The following HDLBP variants were observed in gnomAD, a reference collection of about 807,000 sequenced individuals.
HDLBP encodes high density lipoprotein binding protein.
Under a neutral mutation model 137.3 loss-of-function variants are expected in HDLBP, and 30 were observed. That is an observed-to-expected ratio of 0.22 (90% CI 0.16 to 0.30). The LOEUF (loss-of-function observed/expected upper bound fraction) is 0.30, where lower values mean the gene tolerates loss of function less well. HDLBP is among the 10% of genes least tolerant of loss of function. The probability of loss-of-function intolerance (pLI) is 1.00; values close to 1 mark genes in which losing one functional copy is unlikely to be tolerated. For synonymous variants in HDLBP, 606 were observed against 596.0 expected, an observed-to-expected ratio of 1.02 and a Z score of -0.24; for missense variants, 1,119 against 1,667.3, an observed-to-expected ratio of 0.67 and a Z score of 5.73.
rs1035453888 is a variant in HDLBP, at chr2:241,249,128, C to T, written c.1512+713G>A. ...CCACAAGCAGTGGGAGGCTGCATCA[C>T]GCCCTGGAATGCAGCTCAGGGCTAT... is the stretch of plus-strand genomic sequence containing the variant. On this transcript the variant is annotated intron_variant, in intron 12 of 27. Transcript: ENST00000310931. Among the ~76,000 whole-genome samples, 22 of 152,078 alleles carry T rather than the reference C, an allele frequency of 1.4e-4. No individual in the cohort carries two copies. The East Asian group carries it at 1.7e-3, about 12-fold the overall frequency.
At chr2:241,293,189 A>C (rs1417243418) in intron 1 of HDLBP, among the ~76,000 whole-genome samples, 1 of 152,214 alleles carries the variant, frequency 6.6e-6, no homozygotes, top group Non-Finnish European at 1.5e-5. Flanking sequence ...GAAGGAACAA[A>C]AAGAATTGAT....
In HDLBP at chr2:241,229,562, G is replaced by A. The variant is rs1321434441; in HGVS notation, c.*39C>T. 3 of 1,483,854 alleles carry A rather than the reference G, an allele frequency of 2.0e-6. No homozygotes were observed. The highest frequency in any genetic ancestry group is 2.3e-5 in the East Asian group (1 of 44,178). The allele number at this position is 1,483,854 out of a possible 1,614,324, so 91.9% of individuals were successfully genotyped here. ...GACAAACCATTGTGTGGTTGGGTTTGGGTCAGCAGGCTGGAGAGGGTTCTG... is the reference window on the plus strand; with the variant it reads ...GACAAACCATTGTGTGGTTGGGTTTAGGTCAGCAGGCTGGAGAGGGTTCTG... On this transcript the variant is annotated 3_prime_UTR_variant, in exon 28 of 28. Transcript: ENST00000310931.
In HDLBP at chr2:241,266,888, A is replaced by G. The variant is rs780534118; in HGVS notation, c.-19T>C. ...AACTCATGGTTGATCTCACACCTAC[A>G]CACAATCCGGGAAAACCACTAAAGC... On this transcript the variant is annotated 5_prime_UTR_variant, in exon 3 of 28. Coordinates refer to ENST00000310931, the MANE Select transcript of HDLBP (RefSeq NM_005336.6). 6 of 1,613,746 alleles carry G rather than the reference A, an allele frequency of 3.7e-6. No homozygotes were observed. Among genetic ancestry groups the G allele is most frequent in the Non-Finnish European group, 4.2e-6 (5 of 1,179,566 alleles).
At position 241,277,961 on chromosome 2, in the gene HDLBP, C is replaced by CA. The variant is rs888451938; in HGVS notation, c.-102-9421dup. Among the ~76,000 whole-genome samples the CA allele has an allele frequency of 5.9e-5, 9 of 151,338 alleles. No individual in the cohort carries two copies. In the South Asian group the frequency reaches 6.3e-4, roughly 11 times the overall value. The stretch of plus-strand genomic sequence containing the variant: ...GGGAAACAAAAGTGAAACTCCATCT[C>CA]AAAAAAAACCAAAAAACAACAACAA... On this transcript the variant is annotated intron_variant, in intron 1 of 27. Coordinates refer to ENST00000310931, the MANE Select transcript of HDLBP (RefSeq NM_005336.6).
intron 1 of HDLBP, among the ~76,000 whole-genome samples, chr2:241,307,995 T>A (rs527930253): frequency 6.6e-6 from 1 of 152,284 alleles, no homozygotes; most frequent in South Asian, 2.1e-4. Flanking sequence ...AGGCAATGCA[T>A]TGATAGATAT....
chr2:241,301,455 G>C (rs182046097), intron 1 of HDLBP, among the ~76,000 whole-genome samples: 34 of 152,244 alleles, frequency 2.2e-4, no homozygotes, highest in African/African-American at 7.9e-4. Flanking sequence ...TGAAAATTAA[G>C]AGTAATATAC....
intron 20 of HDLBP, 75 bp from the exon 21 acceptor site, chr2:241,236,844 C>T: frequency 1.3e-6 from 2 of 1,490,234 alleles, no homozygotes; most frequent in African/African-American, 1.4e-5. Flanking sequence ...ATGCATATGT[C>T]TGTGAGGCAC....
intron 1 of HDLBP, among the ~76,000 whole-genome samples, chr2:241,283,102 T>A (rs970229030): frequency 1.3e-5 from 2 of 152,194 alleles, no homozygotes; most frequent in South Asian, 4.1e-4. Context: ...CGAAACAGCC[T>A]TATCGCTGAT....
chr2:241,252,459 G>A (rs554587330), intron 11 of HDLBP, among the ~76,000 whole-genome samples: 4 of 152,308 alleles, frequency 2.6e-5, no homozygotes, highest in South Asian at 2.1e-4. Context: ...CTGAGATCAC[G>A]CCACTGCACT....
Position 241,253,028 on chromosome 2 carries a change from C to T in HDLBP, c.1301G>A (p.Arg434Gln), listed in dbSNP as rs778201425. Residue 434 changes from arginine (R) to glutamine (Q), a missense_variant, in exon 11 of 28, where the codon CGG becomes CAG. By Grantham distance (43) the Arg-to-Gln change is conservative. Transcript: ENST00000310931. The part of the protein sequence containing the change: ...IEGMVKDLIN[R>Q]MDYVEINIDH... ...GATGTTGATCTCCACATAGTCCATCCGGTTAATCTGCAGGAGGAGCACAGA... is the reference window on the plus strand; with the variant it reads ...GATGTTGATCTCCACATAGTCCATCTGGTTAATCTGCAGGAGGAGCACAGA... The T allele has an allele frequency of 1.9e-6, 3 of 1,604,196 alleles. No homozygotes were observed. Among genetic ancestry groups the T allele is most frequent in the East Asian group, 2.2e-5 (1 of 44,544 alleles).
In HDLBP at chr2:241,238,220, T is replaced by C. The variant is rs2070792276; in HGVS notation, c.2749+429A>G. The C allele has an allele frequency of 6.5e-6, 1 of 153,870 alleles. No individual in the cohort carries two copies. Among genetic ancestry groups the C allele is most frequent in the South Asian group, 2.1e-4 (1 of 4,844 alleles). 9.5% of individuals were successfully genotyped at this position (153,870 alleles called of 1,614,324 possible). A position where few individuals can be genotyped will look rare whatever the true frequency, so the allele number is the denominator to read the frequency against. On this transcript the variant is annotated intron_variant, in intron 20 of 27. Coordinates refer to ENST00000310931, the MANE Select transcript of HDLBP (RefSeq NM_005336.6). This position sits in a 1 kb window ranked among gnomAD's most constrained non-coding sequence, Gnocchi z 4.9. ...ATGCTCTCCTAGAACTGCCGGCCAC[T>C]TGGATGGTGCCCTCTGGCCAGCCAG...
intron 2 of HDLBP, chr2:241,267,641 A>C (rs1165022045): frequency 6.5e-7 from 1 of 1,535,738 alleles, no homozygotes; most frequent in Non-Finnish European, 8.7e-7. Context: ...TCTCTCTGCA[A>C]GGTGCATCCA....
intron 2 of HDLBP, 101 bp from the exon 3 acceptor site, chr2:241,267,007 C>A: frequency 2.4e-6 from 2 of 827,738 alleles, no homozygotes; most frequent in Non-Finnish European, 4.1e-6. Flanking sequence ...CTCTTTTTTA[C>A]CAGCAAACTA....
At chr2:241,308,085 T>A (rs2075637799) in intron 1 of HDLBP, among the ~76,000 whole-genome samples, 2 of 152,240 alleles carry the variant, frequency 1.3e-5, no homozygotes, top group African/African-American at 4.8e-5. Context: ...ACCTGTCCTC[T>A]TCTCCTTTGA....
At position 241,255,445 on chromosome 2, in the gene HDLBP, T is replaced by A; in HGVS notation, c.1009A>T (p.Ile337Phe). The A allele has an allele frequency of 6.2e-7, 1 of 1,614,074 alleles. No individual in the cohort carries two copies. Among genetic ancestry groups the A allele is most frequent in the Non-Finnish European group, 8.5e-7 (1 of 1,179,882 alleles). The part of the protein sequence containing the change: ...VSVEIPPSDS[I>F]SETVILRGEP... ...CCTCGAAGTATTACAGTCTCAGAGA[T>A]GCTGTCTGAGGGTGGGATCTCAACG... Residue 337 changes from isoleucine (I) to phenylalanine (F), a missense_variant, in exon 8 of 28, where the codon ATC becomes TTC. This residue lies in a region of HDLBP where 425 missense variants were observed against 693.9 expected (regional missense o/e 0.61). Transcript: ENST00000310931.
At chr2:241,296,862 CA>C (rs1307482277) in intron 1 of HDLBP, among the ~76,000 whole-genome samples, 1 of 152,208 alleles carries the variant, frequency 6.6e-6, no homozygotes, top group African/African-American at 2.4e-5. Flanking sequence ...GAAGTGCCTG[CA>C]AAAGAATACA....
At chr2:241,289,217 A>C (rs1451554478) in intron 1 of HDLBP, among the ~76,000 whole-genome samples, 1 of 152,200 alleles carries the variant, frequency 6.6e-6, no homozygotes. Context: ...GTGGCACTCC[A>C]ATGTGCGATC....
rs1268583082 is a variant in HDLBP, at chr2:241,238,591, C to A, written c.2749+58G>T. The A allele has an allele frequency of 3.7e-6, 5 of 1,350,070 alleles. No individual in the cohort carries two copies. Among genetic ancestry groups the A allele is most frequent in the Non-Finnish European group, 5.0e-6 (5 of 1,007,118 alleles). 83.6% of individuals were successfully genotyped at this position (1,350,070 alleles called of 1,614,324 possible). ...CTCACCAGTATGTGCGACAGCCCCG[C>A]CTCTCACATGGGAGGCGCCACTATT... On this transcript the variant is annotated intron_variant, in intron 20 of 27. Coordinates refer to ENST00000310931, the MANE Select transcript of HDLBP (RefSeq NM_005336.6). This position sits in a 1 kb window ranked among gnomAD's most constrained non-coding sequence, Gnocchi z 4.9.
At position 241,230,234 on chromosome 2, in the gene HDLBP, G is replaced by C. The variant is rs1343850448; in HGVS notation, c.3510C>G (p.Asp1170Glu). Residue 1170 changes from aspartate (D) to glutamate (E), a missense_variant, in exon 26 of 28, where the codon GAC becomes GAG. Asp to Glu is a conservative substitution (Grantham distance 45). Around this residue, in one of 4 missense-constraint regions of HDLBP, gnomAD observed 618 missense variants for 816.7 expected, o/e 0.76. Coordinates refer to ENST00000310931, the MANE Select transcript of HDLBP (RefSeq NM_005336.6). This position sits in a 1 kb window ranked among gnomAD's most constrained non-coding sequence, Gnocchi z 5.0. ...DIRFPQSGAP[D>E]PNCVTVTGLP... ...GCCCCGTCACAGTGACGCAGTTGGG[G>C]TCTGGGGCTCCGCTCTGTGGGAAGC... 2 of 1,610,804 alleles carry C rather than the reference G, an allele frequency of 1.2e-6. No individual in the cohort carries two copies. The highest frequency in any genetic ancestry group is 2.7e-5 in the African/African-American group (2 of 74,890).
Sources: gnomAD v4.1 joint callset for allele counts (sites outside exome capture counted in the v4.1 genomes callset) on GRCh38, gnomAD v4.1.1 for gene constraint, gnomAD v4.1.1 regional missense constraint, Gnocchi (gnomAD v3.1) non-coding constraint, MANE v1.5 for transcripts, NCBI Gene and HGNC (gene_info 2026-07-23, HGNC 2026-07-21) for gene names.